TBCK: variants seen among roughly 807,000 people sequenced by gnomAD.
The protein encoded by TBCK is TBC1 domain containing kinase.
TBCK carries 99 observed loss-of-function variants against 113.4 expected under a neutral mutation model. The ratio of observed to expected loss-of-function variants is 0.87; its 90% confidence interval spans 0.74 to 1.03. TBCK has a LOEUF of 1.03. Among genes scored for constraint, TBCK ranks in the 50% least tolerant of loss-of-function variants. The probability of loss-of-function intolerance (pLI) is 0.00; values close to 1 mark genes in which losing one functional copy is unlikely to be tolerated. For missense variants in TBCK, 1,045 were observed against 1,061.3 expected, an observed-to-expected ratio of 0.98 and a Z score of 0.21; for synonymous variants, 369 against 370.8, an observed-to-expected ratio of 1.00 and a Z score of 0.05.
intron 22 of TBCK, 125 bp from the exon 23 acceptor site, chr4:106,171,395 A>C: frequency 3.0e-6 from 2 of 664,166 alleles, no homozygotes; most frequent in Non-Finnish European, 4.9e-6. Flanking sequence ...ATTAGAAAAA[A>C]TGTCAGTAAA....
chr4:106,148,266 C>T (rs866213925), intron 23 of TBCK, among the ~76,000 whole-genome samples: 10 of 152,262 alleles, frequency 6.6e-5, no homozygotes, highest in Middle Eastern at 6.8e-3. Context: ...ATCTCTGTGA[C>T]CCACACCTAT....
chr4:106,071,769 A>C (rs550013996), intron 25 of TBCK, among the ~76,000 whole-genome samples: 1 of 152,100 alleles, frequency 6.6e-6, no homozygotes, highest in African/African-American at 2.4e-5. Context: ...TGCTTTATGA[A>C]TCTGGGTGCT....
chr4:106,169,177 T>C (rs568704729), intron 23 of TBCK, among the ~76,000 whole-genome samples: 3 of 152,216 alleles, frequency 2.0e-5, no homozygotes, highest in South Asian at 2.1e-4. Flanking sequence ...CCAATCAAAA[T>C]AGCAGCAAGT....
rs931874133 is a variant in TBCK at position 106,215,382 on chromosome 4, A to G, written c.1775-2547T>C. Among the ~76,000 whole-genome samples, 12 of 152,290 alleles carry G rather than the reference A, an allele frequency of 7.9e-5. No homozygotes were observed. In the East Asian group the frequency reaches 2.1e-3, roughly 27 times the overall value. On this transcript the variant is annotated intron_variant, in intron 19 of 25. Coordinates refer to ENST00000394708, the MANE Select transcript of TBCK (RefSeq NM_001163435.3). ...ACATAACACGATTAACTTTAAATGT[A>G]AATGGACTAAAGGCTCCAGTTAAAA...
chr4:106,163,156 C>T (rs1318626704), intron 23 of TBCK: 1 of 152,206 alleles, frequency 6.6e-6, no homozygotes, highest in Non-Finnish European at 1.5e-5. Context: ...TAAAGCATAG[C>T]AAGCGTGACC....
chr4:106,238,039 A>G (rs2150016369), intron 12 of TBCK, among the ~76,000 whole-genome samples: 2 of 152,222 alleles, frequency 1.3e-5, no homozygotes, highest in South Asian at 4.1e-4. Context: ...CTACAGAAGA[A>G]GAGTATTTTA....
At chr4:106,165,026 CATA>C (rs1750208273) in intron 23 of TBCK, among the ~76,000 whole-genome samples, 3 of 151,496 alleles carry the variant, frequency 2.0e-5, no homozygotes, top group African/African-American at 7.3e-5. Flanking sequence ...TATATGTATT[CATA>C]ATGAGGTATT....
chr4:106,114,698 C>A lies in TBCK; in HGVS notation c.2411+1505G>T, dbSNP rs138536827. ...ACAACCTACAGAATGGAAGAAATAT[C>A]TTTAAGATTAAAATAGGGTGTTATA... On this transcript the variant is annotated intron_variant, in intron 24 of 25. Transcript: ENST00000394708. Among the ~76,000 whole-genome samples the A allele has an allele frequency of 5.0e-3, 763 of 152,228 alleles. 4 individuals carry two copies. Among genetic ancestry groups the A allele is most frequent in the African/African-American group, 0.018 (734 of 41,538 alleles).
At chr4:106,228,180 A>T (rs1758444374) in intron 19 of TBCK, among the ~76,000 whole-genome samples, 1 of 152,044 alleles carries the variant, frequency 6.6e-6, no homozygotes, top group African/African-American at 2.4e-5. Context: ...GCATAATCTC[A>T]TTCAGGGAAA....
chr4:106,118,716 A>G (rs1743871143), intron 23 of TBCK, among the ~76,000 whole-genome samples: 1 of 152,250 alleles, frequency 6.6e-6, no homozygotes, highest in Non-Finnish European at 1.5e-5. Flanking sequence ...GAGTGAAAAG[A>G]GTGCCCTGAC....
intron 23 of TBCK, among the ~76,000 whole-genome samples, chr4:106,122,870 G>T: frequency 6.6e-6 from 1 of 152,170 alleles, no homozygotes; most frequent in East Asian, 1.9e-4. Context: ...TTGATGGGAC[G>T]TATTTCAAAA....
rs1734115322 is a variant in TBCK at position 106,045,215 on chromosome 4, T to C, written c.*1355A>G. On this transcript the variant is annotated 3_prime_UTR_variant, in exon 26 of 26. Coordinates refer to ENST00000394708, the MANE Select transcript of TBCK (RefSeq NM_001163435.3). ...CTGGGACCGCAGACGTGTGCCACTA[T>C]GACCAGCTAATTTTTATATTTTTAG... 1 of 152,108 alleles carries C rather than the reference T, an allele frequency of 6.6e-6. No individual in the cohort carries two copies. Among genetic ancestry groups the C allele is most frequent in the Admixed American group, 6.5e-5 (1 of 15,268 alleles). 9.4% of individuals were successfully genotyped at this position (152,108 alleles called of 1,614,324 possible).
At chr4:106,229,557 T>A (rs1477694201) in intron 19 of TBCK, among the ~76,000 whole-genome samples, 1 of 152,028 alleles carries the variant, frequency 6.6e-6, no homozygotes, top group African/African-American at 2.4e-5. Flanking sequence ...ATTGTAAGTG[T>A]ATAGATTTGC....
chr4:106,199,503 C>T (rs1246362030), intron 20 of TBCK, among the ~76,000 whole-genome samples: 2 of 152,084 alleles, frequency 1.3e-5, no homozygotes, highest in Non-Finnish European at 2.9e-5. Context: ...CCTATTTCAG[C>T]TCCATCCCTA....
At chr4:106,099,414 T>G (rs1028773602) in intron 24 of TBCK, among the ~76,000 whole-genome samples, 1 of 152,132 alleles carries the variant, frequency 6.6e-6, no homozygotes, top group African/African-American at 2.4e-5. Context: ...GCTGTTTGTC[T>G]GCTGGGTTAA....
chr4:106,224,642 C>T (rs1758041317), intron 19 of TBCK, among the ~76,000 whole-genome samples: 1 of 152,174 alleles, frequency 6.6e-6, no homozygotes, highest in Non-Finnish European at 1.5e-5. Flanking sequence ...AAATAAACCA[C>T]TGTTCTATCA....
rs1183497687 is a variant in TBCK at position 106,211,927 on chromosome 4, T to C, written c.1860+823A>G. 2.0e-5 allele frequency among the ~76,000 whole-genome samples: 3 copies of C among 152,088 alleles called. No homozygotes were observed. In the East Asian group the frequency reaches 5.8e-4, roughly 29 times the overall value. On this transcript the variant is annotated intron_variant, in intron 20 of 25. Transcript: ENST00000394708. The stretch of plus-strand genomic sequence containing the variant: ...ATATGTAATGTGAACATTTTGGTTT[T>C]TTATCAATAATTTTTAATAAAGTAT...
intron 2 of TBCK, among the ~76,000 whole-genome samples, chr4:106,301,027 G>A (rs1170852721): frequency 1.3e-5 from 2 of 152,066 alleles, no homozygotes; most frequent in African/African-American, 4.8e-5. Flanking sequence ...GACAGCTTGA[G>A]CTTCTGCCCA....
At chr4:106,206,955 T>C (rs1270922405) in intron 20 of TBCK, among the ~76,000 whole-genome samples, 7 of 152,174 alleles carry the variant, frequency 4.6e-5, no homozygotes, top group Admixed American at 3.3e-4. Context: ...TCTTAATGGT[T>C]ACCTGACAAC....
Sources: allele counts gnomAD v4.1 joint callset (sites outside exome capture counted in the v4.1 genomes callset), GRCh38; gene constraint gnomAD v4.1.1; transcripts MANE v1.5; gene names NCBI Gene and HGNC (gene_info 2026-07-23, HGNC 2026-07-21).